The following CRACD variants were observed in gnomAD, a reference collection of about 807,000 sequenced individuals.
The protein encoded by CRACD is capping protein inhibiting regulator of actin dynamics.
A neutral mutation model predicts 106.8 loss-of-function variants in CRACD; 56 were observed. That is an observed-to-expected ratio of 0.52 (90% confidence interval 0.42 to 0.66). CRACD has a LOEUF of 0.66. Ranked by LOEUF, CRACD falls within the 30% of genes least tolerant of loss-of-function variation. The pLI, the probability that CRACD is intolerant of heterozygous loss-of-function variation, is 0.00. For missense variants in CRACD, 1,730 were observed against 1,623.2 expected, an observed-to-expected ratio of 1.07 and a Z score of -1.13; for synonymous variants, 754 against 670.8, an observed-to-expected ratio of 1.12 and a Z score of -1.92.
chr4:56,096,515 C>G (rs946130408), intron 1 of CRACD, among the ~76,000 whole-genome samples: 1 of 151,996 alleles, frequency 6.6e-6, no homozygotes, highest in Non-Finnish European at 1.5e-5. Flanking sequence ...GAGTTCAAGA[C>G]CAGCCTGGAT....
Position 56,313,329 on chromosome 4 carries a change from G to A in CRACD, c.487G>A (p.Val163Ile). The change falls in exon 7 of 11, where the codon GTT becomes ATT. Residue 163 changes from valine to isoleucine, a missense_variant. Physicochemically the swap from Val to Ile is conservative, Grantham distance 29. Coordinates refer to ENST00000682029, the MANE Select transcript of CRACD (RefSeq NM_001393381.1). Reference sequence around the variant, plus strand: ...CAGTGCCGCCAAGCACAAGCTGGCTGTTAAGCCAAAAAAACAGAGGGTGTC... The same window carrying A: ...CAGTGCCGCCAAGCACAAGCTGGCTATTAAGCCAAAAAAACAGAGGGTGTC... ...DNSAAKHKLA[V>I]KPKKQRVSKK... The A allele has an allele frequency of 1.9e-6, 3 of 1,614,178 alleles. No individual in the cohort carries two copies. The highest frequency in any genetic ancestry group is 2.5e-6 in the Non-Finnish European group (3 of 1,180,030).
In CRACD at chr4:56,261,020, C is replaced by T. The variant is rs576595436; in HGVS notation, c.-188-11301C>T. 2.2e-3 allele frequency among the ~76,000 whole-genome samples: 342 copies of T among 152,284 alleles called. 2 individuals are homozygous for T. The highest frequency in any genetic ancestry group is 7.8e-3 in the African/African-American group (324 of 41,566). On this transcript the variant is annotated intron_variant, in intron 2 of 10. Transcript: ENST00000682029. Reference sequence around the variant, plus strand: ...AAGTTTTGTCCATCAGTGTAGCCAGCAGGGTCCAGCACTGATCCTACAGGT... The same window carrying T: ...AAGTTTTGTCCATCAGTGTAGCCAGTAGGGTCCAGCACTGATCCTACAGGT...
intron 2 of CRACD, among the ~76,000 whole-genome samples, chr4:56,263,907 CTCTG>C (rs1015285365): frequency 6.6e-4 from 100 of 152,208 alleles, no homozygotes; most frequent in African/African-American, 2.2e-3. Context: ...CGATCTCTCT[CTCTG>C]TATTAGTCTG....
intron 1 of CRACD, among the ~76,000 whole-genome samples, chr4:56,121,056 A>C (rs1019764065): frequency 4.1e-4 from 63 of 152,302 alleles, no homozygotes; most frequent in African/African-American, 1.5e-3. Flanking sequence ...TATACCTAGA[A>C]TATATAACCT....
At chr4:56,243,195 T>G (rs1740468734) in intron 2 of CRACD, among the ~76,000 whole-genome samples, 1 of 152,220 alleles carries the variant, frequency 6.6e-6, no homozygotes, top group Non-Finnish European at 1.5e-5. Flanking sequence ...TGCTTCATTC[T>G]CTTAAAAGAA....
Position 56,155,357 on chromosome 4 carries a change from TG to T in CRACD, c.-335-23924del, listed in dbSNP as rs1410017329. Among the ~76,000 whole-genome samples the T allele has an allele frequency of 6.0e-4, 92 of 152,324 alleles. 1 individual carries two copies. The highest frequency in any genetic ancestry group is 3.8e-4 in the Non-Finnish European group (26 of 68,024). ...GTGACATGGCCAACCTCATTGTCAATGGGTGGACGTAAATAATTCTCTTGTA... is the reference window on the plus strand; with the variant it reads ...GTGACATGGCCAACCTCATTGTCAATGGTGGACGTAAATAATTCTCTTGTA... On this transcript the variant is annotated intron_variant, in intron 1 of 10. Transcript: ENST00000682029.
intron 1 of CRACD, among the ~76,000 whole-genome samples, chr4:56,117,163 G>C (rs1157686261): frequency 1.3e-5 from 2 of 151,692 alleles, no homozygotes; most frequent in Non-Finnish European, 2.9e-5. Flanking sequence ...TGGGACTACA[G>C]GTGCCCGCCA....
intron 2 of CRACD, among the ~76,000 whole-genome samples, chr4:56,193,353 C>T (rs1454484825): frequency 1.3e-5 from 2 of 152,062 alleles, no homozygotes; most frequent in African/African-American, 2.4e-5. Flanking sequence ...TCACCAGCCT[C>T]GGGATACACC....
intron 4 of CRACD, among the ~76,000 whole-genome samples, chr4:56,305,833 G>A (rs1011674795): frequency 6.6e-6 from 1 of 152,186 alleles, no homozygotes; most frequent in Non-Finnish European, 1.5e-5. Flanking sequence ...GGGGAGCTGG[G>A]CAAAGGTGGG....
intron 1 of CRACD, among the ~76,000 whole-genome samples, chr4:56,072,187 G>A (rs1008159607): frequency 4.0e-5 from 6 of 151,286 alleles, no homozygotes; most frequent in African/African-American, 1.5e-4. Flanking sequence ...GATAAAGTGT[G>A]AACTCTAGCT....
intron 1 of CRACD, among the ~76,000 whole-genome samples, chr4:56,149,406 G>T (rs1195219229): frequency 6.6e-6 from 1 of 152,180 alleles, no homozygotes; most frequent in East Asian, 1.9e-4. Flanking sequence ...ACACTCCTCA[G>T]ATTCTAGTTT....
At chr4:56,192,030 T>C (rs941505254) in intron 2 of CRACD, among the ~76,000 whole-genome samples, 1 of 152,194 alleles carries the variant, frequency 6.6e-6, no homozygotes, top group Non-Finnish European at 1.5e-5. Context: ...TGTATATAAA[T>C]ATGAACCTAC....
chr4:56,215,008 A>G (rs1278260785), intron 2 of CRACD, among the ~76,000 whole-genome samples: 1 of 151,370 alleles, frequency 6.6e-6, no homozygotes. Context: ...TCAAAGAGAA[A>G]AAACAAACAA....
chr4:56,141,055 C>A (rs1735179523), intron 1 of CRACD, among the ~76,000 whole-genome samples: 2 of 152,160 alleles, frequency 1.3e-5, no homozygotes, highest in African/African-American at 4.8e-5. Flanking sequence ...AAGAGGAGGG[C>A]TTGTGGATTG....
intron 3 of CRACD, among the ~76,000 whole-genome samples, chr4:56,289,492 C>G (rs1294519210): frequency 6.6e-6 from 1 of 151,864 alleles, no homozygotes; most frequent in Non-Finnish European, 1.5e-5. Flanking sequence ...GGCAACATGG[C>G]AAGATCCCAT....
rs200999631 is a variant in CRACD, at chr4:56,315,209, T to C, written c.1707T>C (p.Ala569=). The change falls in exon 8 of 11, where the codon GCT becomes GCC. Residue 569 remains alanine (A), a synonymous_variant. Transcript: ENST00000682029. This position sits in a 1 kb window ranked among gnomAD's most constrained non-coding sequence, Gnocchi z 4.1. ...CAAAGGACACGGGGCTCACCGCTGC[T>C]CCCCAGGAACCAAAGGCCCCCAAAG... is the stretch of plus-strand genomic sequence containing the variant. ...TPAKDTGLTA[A]PQEPKAPKAS... The C allele has an allele frequency of 8.3e-5, 133 of 1,593,490 alleles. No individual in the cohort carries two copies. Among genetic ancestry groups the C allele is most frequent in the Non-Finnish European group, 1.1e-4 (127 of 1,170,092 alleles).
chr4:56,064,780 C>T (rs544384589), intron 1 of CRACD, among the ~76,000 whole-genome samples: 27 of 152,262 alleles, frequency 1.8e-4, no homozygotes, highest in African/African-American at 6.3e-4. Flanking sequence ...AAATTCTCTA[C>T]TAATTCTTTG....
intron 2 of CRACD, among the ~76,000 whole-genome samples, chr4:56,232,375 A>G (rs1245755231): frequency 6.6e-6 from 1 of 152,184 alleles, no homozygotes; most frequent in African/African-American, 2.4e-5. Context: ...TTGTTTGGAT[A>G]TACCACAATT....
intron 1 of CRACD, among the ~76,000 whole-genome samples, chr4:56,088,246 C>T (rs769208737): frequency 7.3e-5 from 11 of 150,818 alleles, no homozygotes; most frequent in Admixed American, 2.0e-4. Flanking sequence ...ATAATTTTGT[C>T]ACCCTAGTAA....
Sources: gnomAD v4.1 joint callset for allele counts (sites outside exome capture counted in the v4.1 genomes callset) on GRCh38, gnomAD v4.1.1 for gene constraint, Gnocchi (gnomAD v3.1) non-coding constraint, MANE v1.5 for transcripts, NCBI Gene and HGNC (gene_info 2026-07-23, HGNC 2026-07-21) for gene names.